SLC25A26: variants seen among roughly 807,000 people sequenced by gnomAD.
SLC25A26 encodes the protein solute carrier family 25 member 26, also known as mitochondrial S-adenosylmethionine carrier protein.
Under a neutral mutation model 37.8 loss-of-function variants are expected in SLC25A26, and 36 were observed. The observed-to-expected ratio is 0.95, with a 90% CI of 0.73 to 1.26. The LOEUF is 1.26. Ranked by LOEUF, SLC25A26 falls within the 50% of genes most tolerant of loss-of-function variation. SLC25A26 has a pLI of 0.00. For missense variants in SLC25A26, 390 were observed against 331.1 expected, an observed-to-expected ratio of 1.18 and a Z score of -1.38; for synonymous variants, 129 against 122.5, an observed-to-expected ratio of 1.05 and a Z score of -0.35.
intron 5 of SLC25A26, among the ~76,000 whole-genome samples, chr3:66,271,273 A>G (rs917952098): frequency 1.3e-5 from 2 of 152,168 alleles, no homozygotes; most frequent in Non-Finnish European, 2.9e-5. Flanking sequence ...TTCACCAAAA[A>G]AGTTTTCTGT....
intron 3 of SLC25A26, among the ~76,000 whole-genome samples, chr3:66,246,940 C>G (rs2072872238): frequency 6.6e-6 from 1 of 152,156 alleles, no homozygotes; most frequent in African/African-American, 2.4e-5. Context: ...CGGCTCACTG[C>G]AACCTCTGCC....
At chr3:66,198,875 A>G (rs2071078379) in intron 1 of SLC25A26, among the ~76,000 whole-genome samples, 1 of 150,442 alleles carries the variant, frequency 6.6e-6, no homozygotes. Flanking sequence ...TTTGACCCTG[A>G]CCCATTCCCT....
intron 1 of SLC25A26, among the ~76,000 whole-genome samples, chr3:66,197,303 G>T (rs2071057665): frequency 6.6e-6 from 1 of 152,078 alleles, no homozygotes; most frequent in Non-Finnish European, 1.5e-5. Context: ...ATGAGGATAG[G>T]CATCAGGGAC....
At chr3:66,138,035 T>A (rs1009591077) in intron 1 of SLC25A26, among the ~76,000 whole-genome samples, 1 of 151,972 alleles carries the variant, frequency 6.6e-6, no homozygotes, top group African/African-American at 2.4e-5. Flanking sequence ...GGTTTCACTA[T>A]GTTGGCCAGG....
chr3:66,296,017 T>C (rs1049400389), intron 5 of SLC25A26, among the ~76,000 whole-genome samples: 5 of 151,816 alleles, frequency 3.3e-5, no homozygotes, highest in African/African-American at 4.8e-5. Context: ...CTCAGGAGGC[T>C]GAGGCAGGAG....
At chr3:66,260,832 A>G (rs2073501100) in intron 3 of SLC25A26, among the ~76,000 whole-genome samples, 1 of 152,246 alleles carries the variant, frequency 6.6e-6, no homozygotes, top group Admixed American at 6.5e-5. Context: ...GCATAGTTGA[A>G]CAATTGTGAC....
intron 5 of SLC25A26, among the ~76,000 whole-genome samples, chr3:66,286,914 C>A (rs917867780): frequency 6.6e-6 from 1 of 152,126 alleles, no homozygotes; most frequent in African/African-American, 2.4e-5. Flanking sequence ...CTGCCCAACA[C>A]AGCCTCCTGA....
intron 2 of SLC25A26, among the ~76,000 whole-genome samples, chr3:66,237,323 T>G (rs2107038481): frequency 6.6e-6 from 1 of 152,382 alleles, no homozygotes; most frequent in Non-Finnish European, 1.5e-5. Flanking sequence ...GCCTGCACAT[T>G]AGAATCTACT....
chr3:66,208,999 C>T (rs2071226547), intron 1 of SLC25A26, among the ~76,000 whole-genome samples: 2 of 49,110 alleles, frequency 4.1e-5, no homozygotes, highest in Admixed American at 3.1e-4. Flanking sequence ...TTTATGTACC[C>T]ATATAAAGGT....
intron 1 of SLC25A26, among the ~76,000 whole-genome samples, chr3:66,137,668 A>G (rs2069967572): frequency 6.6e-6 from 1 of 152,290 alleles, no homozygotes; most frequent in South Asian, 2.1e-4. Flanking sequence ...TGAGAAGGGA[A>G]TAAGATGCTC....
intron 5 of SLC25A26, among the ~76,000 whole-genome samples, chr3:66,264,045 C>T (rs550482432): frequency 6.6e-5 from 10 of 152,092 alleles, no homozygotes; most frequent in Non-Finnish European, 1.0e-4. Context: ...TTTGGGAGGC[C>T]GAGGCAGAAA....
At chr3:66,237,579 C>T (rs980577367) in intron 2 of SLC25A26, among the ~76,000 whole-genome samples, 2 of 152,224 alleles carry the variant, frequency 1.3e-5, no homozygotes, top group Admixed American at 1.3e-4. Context: ...TGGATACTGT[C>T]CTTCCAATGT....
chr3:66,312,727 C>G (rs1440214183), intron 5 of SLC25A26, among the ~76,000 whole-genome samples: 1 of 152,088 alleles, frequency 6.6e-6, no homozygotes, highest in Non-Finnish European at 1.5e-5. Context: ...GACACAGTCC[C>G]TCAAGGCTTC....
chr3:66,215,387 A>C (rs2071345425), intron 1 of SLC25A26, among the ~76,000 whole-genome samples: 1 of 151,986 alleles, frequency 6.6e-6, no homozygotes, highest in Non-Finnish European at 1.5e-5. Context: ...TTTTTGTAGA[A>C]ACAAGGTCTC....
chr3:66,277,359 A>G (rs2074188835), intron 5 of SLC25A26, among the ~76,000 whole-genome samples: 1 of 152,146 alleles, frequency 6.6e-6, no homozygotes, highest in Non-Finnish European at 1.5e-5. Context: ...AAAGACAAAT[A>G]TTGTATTATA....
intron 1 of SLC25A26, among the ~76,000 whole-genome samples, chr3:66,227,333 T>G (rs1553661118): frequency 6.6e-6 from 1 of 152,258 alleles, no homozygotes; most frequent in African/African-American, 2.4e-5. Context: ...AACTTTGTGT[T>G]ACCACTTTTC....
chr3:66,322,733 T>C (rs1330010745), intron 5 of SLC25A26, among the ~76,000 whole-genome samples: 2 of 151,518 alleles, frequency 1.3e-5, no homozygotes, highest in Non-Finnish European at 2.9e-5. Context: ...TCTAACTGAA[T>C]TTATAGCTCA....
chr3:66,250,199 C>T (rs1260717178), intron 3 of SLC25A26, among the ~76,000 whole-genome samples: 2 of 152,080 alleles, frequency 1.3e-5, no homozygotes, highest in African/African-American at 4.8e-5. Context: ...TAATAGGTTG[C>T]TTTTGTTCAG....
chr3:66,282,171 C>T lies in SLC25A26; in HGVS notation c.453+18792C>T, dbSNP rs2074368305. ...GGACTACAGGCGCCTGCCACCGCGC[C>T]CGGCTAATTTTTTGTATTTTCAGTA... is the stretch of plus-strand genomic sequence containing the variant. On this transcript the variant is annotated intron_variant, in intron 5 of 9. Transcript: ENST00000354883. Among the ~76,000 whole-genome samples, 6 of 151,998 alleles carry T rather than the reference C, an allele frequency of 3.9e-5. No homozygotes were observed. The South Asian group carries it at 8.3e-4, about 21-fold the overall frequency.
Sources: allele counts gnomAD v4.1 joint callset (sites outside exome capture counted in the v4.1 genomes callset), GRCh38; gene constraint gnomAD v4.1.1; transcripts MANE v1.5; gene names NCBI Gene and HGNC (gene_info 2026-07-23, HGNC 2026-07-21).